The following ZCWPW2 variants were observed in gnomAD, a reference collection of about 807,000 sequenced individuals.
ZCWPW2 encodes the protein zinc finger CW-type and PWWP domain containing 2.
Under a neutral mutation model 46.6 loss-of-function variants are expected in ZCWPW2, and 45 were observed. The ratio of observed to expected loss-of-function variants is 0.96; its 90% CI spans 0.76 to 1.24. The LOEUF (loss-of-function observed/expected upper bound fraction) is 1.24. ZCWPW2 is among the 50% of genes most tolerant of loss of function. The probability of loss-of-function intolerance (pLI) is 0.00; values close to 1 mark genes in which losing one functional copy is unlikely to be tolerated. For missense variants in ZCWPW2, 429 were observed against 403.9 expected, an observed-to-expected ratio of 1.06 and a Z score of -0.53; for synonymous variants, 152 against 137.1, an observed-to-expected ratio of 1.11 and a Z score of -0.76.
intron 5 of ZCWPW2, among the ~76,000 whole-genome samples, chr3:28,489,703 CA>C (rs1575199638): frequency 2.0e-5 from 3 of 150,488 alleles, no homozygotes; most frequent in Admixed American, 6.7e-5. Flanking sequence ...CACACACACA[CA>C]CCCCATGTCT....
chr3:28,428,896 C>A (rs1697131182), intron 3 of ZCWPW2, among the ~76,000 whole-genome samples: 1 of 152,276 alleles, frequency 6.6e-6, no homozygotes, highest in East Asian at 1.9e-4. Flanking sequence ...GAGGCCTCCC[C>A]AACCATGTGG....
intron 1 of ZCWPW2, among the ~76,000 whole-genome samples, chr3:28,351,373 T>G (rs1415379904): frequency 6.6e-6 from 1 of 151,370 alleles, no homozygotes; most frequent in Non-Finnish European, 1.5e-5. Context: ...GACATGATAC[T>G]GGCCGAGACT....
chr3:28,476,949 T>C (rs1316206437), intron 4 of ZCWPW2, among the ~76,000 whole-genome samples: 2 of 152,146 alleles, frequency 1.3e-5, no homozygotes, highest in Admixed American at 1.3e-4. Flanking sequence ...CAGTAATGCT[T>C]GTTCATCCCC....
intron 4 of ZCWPW2, among the ~76,000 whole-genome samples, chr3:28,454,166 A>G (rs1698341110): frequency 1.3e-5 from 2 of 152,076 alleles, no homozygotes; most frequent in South Asian, 4.1e-4. Flanking sequence ...TTATAATTGT[A>G]TATATTGTTT....
intron 3 of ZCWPW2, among the ~76,000 whole-genome samples, chr3:28,413,928 T>C (rs1197239986): frequency 6.6e-6 from 1 of 152,092 alleles, no homozygotes; most frequent in African/African-American, 2.4e-5. Context: ...AATTGTTGCC[T>C]AGATACCTAA....
At chr3:28,365,186 CA>C (rs1939630592) in intron 1 of ZCWPW2, among the ~76,000 whole-genome samples, 1 of 149,058 alleles carries the variant, frequency 6.7e-6, no homozygotes, top group Non-Finnish European at 1.5e-5. Flanking sequence ...CTTTTGTTGC[CA>C]TTGCTTTTGG....
chr3:28,444,374 G>C (rs918001749), intron 4 of ZCWPW2, among the ~76,000 whole-genome samples: 4 of 152,140 alleles, frequency 2.6e-5, no homozygotes, highest in Non-Finnish European at 5.9e-5. Flanking sequence ...AGCTGCATCA[G>C]GGGAGGCCAT....
In ZCWPW2 at chr3:28,362,677, G is replaced by T. The variant is rs138965516; in HGVS notation, c.-134+13474G>T. On this transcript the variant is annotated intron_variant, in intron 1 of 9. Transcript: ENST00000383768. The stretch of plus-strand genomic sequence containing the variant: ...GAAAGTAGTGTGGCAGTTCCTCAAA[G>T]AACTGAAAATAGAACTACTGTTTAA... Among the ~76,000 whole-genome samples, 372 of 152,152 alleles carry T rather than the reference G, an allele frequency of 2.4e-3. 1 individual carries two copies. Among genetic ancestry groups the T allele is most frequent in the African/African-American group, 8.2e-3 (339 of 41,528 alleles).
At chr3:28,354,084 G>A (rs1450113830) in intron 1 of ZCWPW2, among the ~76,000 whole-genome samples, 2 of 152,018 alleles carry the variant, frequency 1.3e-5, no homozygotes, top group Non-Finnish European at 2.9e-5. Context: ...AAAGTACAAG[G>A]AGGTAAAACG....
At chr3:28,520,098 G>A (rs914524406) in intron 8 of ZCWPW2, among the ~76,000 whole-genome samples, 3 of 149,992 alleles carry the variant, frequency 2.0e-5, no homozygotes, top group East Asian at 2.0e-4. Context: ...TACGCCTCCC[G>A]GATTCACGCC....
intron 4 of ZCWPW2, among the ~76,000 whole-genome samples, chr3:28,453,797 A>G (rs547238594): frequency 8.8e-5 from 13 of 148,144 alleles, no homozygotes; most frequent in East Asian, 2.0e-4. Context: ...ATAATTGTGT[A>G]TATTTATTTA....
chr3:28,381,642 A>G (rs1444489635), intron 1 of ZCWPW2, among the ~76,000 whole-genome samples: 2 of 152,084 alleles, frequency 1.3e-5, no homozygotes, highest in Non-Finnish European at 2.9e-5. Flanking sequence ...AATAAATTAG[A>G]TGAGCATGGT....
At chr3:28,501,830 C>T (rs550005426) in intron 6 of ZCWPW2, among the ~76,000 whole-genome samples, 2 of 152,074 alleles carry the variant, frequency 1.3e-5, no homozygotes, top group African/African-American at 4.8e-5. Flanking sequence ...ATCACTGAAG[C>T]CTTCACCTCC....
rs1407512249 is a variant in ZCWPW2 at position 28,375,094 on chromosome 3, C to G, written c.-133-15404C>G. On this transcript the variant is annotated intron_variant, in intron 1 of 9. Coordinates refer to ENST00000383768, the MANE Select transcript of ZCWPW2 (RefSeq NM_001040432.4). ...ATCATTATATAATGATCCTCTTCATCTCTTTTTAGTCTTTGATTTTTACTG... is the reference window on the plus strand; with the variant it reads ...ATCATTATATAATGATCCTCTTCATGTCTTTTTAGTCTTTGATTTTTACTG... Among the ~76,000 whole-genome samples, 6 of 151,106 alleles carry G rather than the reference C, an allele frequency of 4.0e-5. No individual in the cohort carries two copies. The East Asian group carries it at 9.7e-4, about 24-fold the overall frequency.
At chr3:28,457,369 T>C (rs1354568953) in intron 4 of ZCWPW2, among the ~76,000 whole-genome samples, 1 of 152,188 alleles carries the variant, frequency 6.6e-6, no homozygotes, top group African/African-American at 2.4e-5. Flanking sequence ...CTTAAACACA[T>C]ATTCTATAAA....
chr3:28,454,219 C>T (rs578249566), intron 4 of ZCWPW2, among the ~76,000 whole-genome samples: 39 of 152,296 alleles, frequency 2.6e-4, no homozygotes, highest in African/African-American at 8.7e-4. Flanking sequence ...CTTATTTTTA[C>T]ACATCAAAAG....
At chr3:28,508,330 G>T (rs956813896) in intron 6 of ZCWPW2, among the ~76,000 whole-genome samples, 1 of 151,970 alleles carries the variant, frequency 6.6e-6, no homozygotes, top group Admixed American at 6.6e-5. Flanking sequence ...TAATAGACAG[G>T]TCAAGACAAT....
chr3:28,503,154 T>C (rs1700194350), intron 6 of ZCWPW2, among the ~76,000 whole-genome samples: 1 of 152,128 alleles, frequency 6.6e-6, no homozygotes, highest in African/African-American at 2.4e-5. Flanking sequence ...TAAGTCTCCC[T>C]GTTTTCTATT....
intron 6 of ZCWPW2, among the ~76,000 whole-genome samples, chr3:28,511,746 T>C (rs1700431162): frequency 6.6e-6 from 1 of 152,076 alleles, no homozygotes; most frequent in African/African-American, 2.4e-5. Flanking sequence ...CCAATTTGTC[T>C]TTTTTTAGGT....
Sources: allele counts gnomAD v4.1 joint callset (sites outside exome capture counted in the v4.1 genomes callset), GRCh38; gene constraint gnomAD v4.1.1; transcripts MANE v1.5; gene names NCBI Gene and HGNC (gene_info 2026-07-23, HGNC 2026-07-21).